Variants in RGS7 observed in about 807,000 individuals in gnomAD.
The protein encoded by RGS7 is regulator of G protein signaling 7.
A neutral mutation model predicts 81.1 loss-of-function variants in RGS7; 27 were observed. That is an observed-to-expected ratio of 0.33 (90% confidence interval 0.25 to 0.46). The LOEUF (loss-of-function observed/expected upper bound fraction) is 0.46, where lower values mean the gene tolerates loss of function less well. Among genes scored for constraint, RGS7 ranks in the 20% least tolerant of loss-of-function variants. The pLI, the probability that RGS7 is intolerant of heterozygous loss-of-function variation, is 1.00. For synonymous variants in RGS7, 208 were observed against 207.7 expected (o/e 1.00, Z -0.01); for missense variants, 396 against 607.4 (o/e 0.65, Z 3.66).
At position 240,973,591 on chromosome 1, in the gene RGS7, A is replaced by C. The variant is rs116908911; in HGVS notation, c.226+9488T>G. Among the ~76,000 whole-genome samples, 688 of 152,104 alleles carry C rather than the reference A, an allele frequency of 4.5e-3. 14 individuals carry two copies. The East Asian group carries it at 0.054, about 12-fold the overall frequency. On this transcript the variant is annotated intron_variant, in intron 4 of 18. Transcript: ENST00000440928. ...TCCAAAACATTATCAAAGATAACAG[A>C]GACATTCTTTTTTTTGGAGATGGAG...
intron 2 of RGS7, among the ~76,000 whole-genome samples, chr1:241,246,259 G>C (rs973280623): frequency 2.0e-5 from 3 of 152,096 alleles, no homozygotes; most frequent in African/African-American, 7.2e-5. Context: ...GAGTCTGCTT[G>C]AGGGTGAGAT....
chr1:241,088,748 T>C (rs1177102180), intron 3 of RGS7, among the ~76,000 whole-genome samples: 2 of 151,908 alleles, frequency 1.3e-5, no homozygotes, highest in African/African-American at 2.4e-5. Flanking sequence ...AAACAGACCA[T>C]AAGAGAGAAC....
intron 4 of RGS7, among the ~76,000 whole-genome samples, chr1:240,972,696 TAA>T (rs34149848): frequency 7.0e-4 from 73 of 103,610 alleles, no homozygotes; most frequent in Admixed American, 1.3e-3. Context: ...TAAAGTATAA[TAA>T]AAAAAAAAAA....
intron 2 of RGS7, among the ~76,000 whole-genome samples, chr1:241,106,783 C>T (rs902032997): frequency 1.4e-5 from 2 of 147,722 alleles, no homozygotes; most frequent in East Asian, 2.0e-4. Flanking sequence ...CACACACACA[C>T]GATAACATAA....
chr1:240,811,856 A>G, intron 14 of RGS7, 62 bp downstream of exon 14: 1 of 1,419,624 alleles, frequency 7.0e-7, no homozygotes, highest in Non-Finnish European at 1.0e-6. Context: ...TACCTCCAAA[A>G]TAACCAGACA....
At chr1:240,797,470 G>C (rs1022164734) in intron 18 of RGS7, among the ~76,000 whole-genome samples, 29 of 152,110 alleles carry the variant, frequency 1.9e-4, no homozygotes, top group African/African-American at 6.8e-4. Context: ...TCCTGCCTCA[G>C]TATCCCAAGT....
chr1:241,305,837 G>T, intron 2 of RGS7: 2 of 308,522 alleles, frequency 6.5e-6, no homozygotes, highest in South Asian at 2.7e-5. Flanking sequence ...CACGTTCTTG[G>T]TCACCTTGTG....
intron 2 of RGS7, among the ~76,000 whole-genome samples, chr1:241,322,497 T>C (rs2148613057): frequency 6.6e-6 from 1 of 152,370 alleles, no homozygotes; most frequent in African/African-American, 2.4e-5. Flanking sequence ...TATTTGATTC[T>C]CATATAAAGA....
At chr1:240,979,324 A>C (rs1684589681) in intron 4 of RGS7, among the ~76,000 whole-genome samples, 1 of 152,184 alleles carries the variant, frequency 6.6e-6, no homozygotes, top group South Asian at 2.1e-4. Flanking sequence ...TATATATAGG[A>C]AGAAAAGACC....
intron 2 of RGS7, among the ~76,000 whole-genome samples, chr1:241,191,814 T>G (rs1338661446): frequency 2.0e-5 from 3 of 152,220 alleles, no homozygotes; most frequent in Non-Finnish European, 1.5e-5. Flanking sequence ...TTCATGTTGG[T>G]TTACTTGTAA....
intron 3 of RGS7, among the ~76,000 whole-genome samples, chr1:240,988,859 C>A (rs555338093): frequency 1.3e-5 from 2 of 152,320 alleles, no homozygotes; most frequent in African/African-American, 4.8e-5. Context: ...CCACTGGCTT[C>A]CAGGAACTGG....
At chr1:241,038,167 T>C (rs1379478920) in intron 3 of RGS7, among the ~76,000 whole-genome samples, 1 of 152,236 alleles carries the variant, frequency 6.6e-6, no homozygotes, top group Non-Finnish European at 1.5e-5. Context: ...CTGCTGTTGG[T>C]ATGTTATTGC....
At chr1:241,015,340 A>G (rs1043852898) in intron 3 of RGS7, among the ~76,000 whole-genome samples, 16 of 152,230 alleles carry the variant, frequency 1.1e-4, no homozygotes, top group Admixed American at 1.3e-4. Flanking sequence ...TGCAGAAACT[A>G]TTCAATAAAA....
At chr1:241,134,210 A>G (rs565425666) in intron 2 of RGS7, among the ~76,000 whole-genome samples, 3 of 152,212 alleles carry the variant, frequency 2.0e-5, no homozygotes, top group African/African-American at 7.2e-5. Context: ...TGTATTGGGT[A>G]GCACCAACGA....
intron 2 of RGS7, among the ~76,000 whole-genome samples, chr1:241,262,918 G>A (rs1452962022): frequency 1.3e-5 from 2 of 152,076 alleles, no homozygotes; most frequent in African/African-American, 2.4e-5. Flanking sequence ...GGCCAACATG[G>A]TGAAACGCCG....
intron 9 of RGS7, among the ~76,000 whole-genome samples, chr1:240,837,207 G>A (rs757999182): frequency 6.6e-6 from 1 of 152,172 alleles, no homozygotes; most frequent in Non-Finnish European, 1.5e-5. Flanking sequence ...TAAAATAGGG[G>A]CTCCTGCAGG....
chr1:241,205,327 G>A (rs1007095728), intron 2 of RGS7, among the ~76,000 whole-genome samples: 18 of 149,270 alleles, frequency 1.2e-4, no homozygotes, highest in African/African-American at 3.5e-4. Flanking sequence ...TGATCCACCC[G>A]CCTCGGCCTC....
In RGS7 at chr1:241,098,776, A is replaced by T; in HGVS notation, c.79-14T>A. Reference sequence around the variant, plus strand: ...GACGTCTTCCATCTAAACAATAATAACATAATTAAAACCTTTATAAAGTTG... The same window carrying T: ...GACGTCTTCCATCTAAACAATAATATCATAATTAAAACCTTTATAAAGTTG... On this transcript the variant is annotated splice_polypyrimidine_tract_variant and intron_variant, in intron 2 of 18. Transcript: ENST00000440928. 1 of 1,568,562 alleles carries T rather than the reference A, an allele frequency of 6.4e-7. No individual in the cohort carries two copies. The highest frequency in any genetic ancestry group is 8.8e-7 in the Non-Finnish European group (1 of 1,140,708).
intron 18 of RGS7, among the ~76,000 whole-genome samples, chr1:240,794,662 G>T (rs758279158): frequency 6.6e-6 from 1 of 152,178 alleles, no homozygotes; most frequent in Admixed American, 6.5e-5. Context: ...TCCCAAACGT[G>T]CCAGGAATGG....
Sources: gnomAD v4.1 joint callset for allele counts (sites outside exome capture counted in the v4.1 genomes callset) on GRCh38, gnomAD v4.1.1 for gene constraint, MANE v1.5 for transcripts, NCBI Gene and HGNC (gene_info 2026-07-23, HGNC 2026-07-21) for gene names.